ASIC2: variants seen among roughly 807,000 people sequenced by gnomAD.
ASIC2 encodes the protein acid-sensing ion channel 2.
A neutral mutation model predicts 57.3 loss-of-function variants in ASIC2; 25 were observed. That is an observed-to-expected ratio of 0.44 (90% CI 0.32 to 0.61). The LOEUF (loss-of-function observed/expected upper bound fraction) is 0.61. ASIC2 is among the 20% of genes least tolerant of loss of function. The pLI is 0.06. For missense variants in ASIC2, 641 were observed against 738.1 expected (o/e 0.87, Z 1.52); for synonymous variants, 319 against 307.5 (o/e 1.04, Z -0.39).
intron 1 of ASIC2, among the ~76,000 whole-genome samples, chr17:33,473,693 T>C (rs762582064): frequency 3.3e-5 from 5 of 152,182 alleles, no homozygotes; most frequent in Non-Finnish European, 7.4e-5. Context: ...GTTCTGGACA[T>C]GAATGAGAAA....
intron 1 of ASIC2, chr17:34,036,538 TAAAATAA>T (rs1567796288): frequency 6.7e-6 from 1 of 149,248 alleles, no homozygotes; most frequent in Non-Finnish European, 1.5e-5. Context: ...TAAAATAAAA[TAAAATAA>T]AAAATAAAAA....
At chr17:33,884,613 C>G (rs1597916110) in intron 1 of ASIC2, among the ~76,000 whole-genome samples, 1 of 151,952 alleles carries the variant, frequency 6.6e-6, no homozygotes, top group Non-Finnish European at 1.5e-5. Flanking sequence ...TCTATCCCTC[C>G]TGCTCTGCCT....
chr17:34,094,487 T>C (rs1910448287), intron 1 of ASIC2, among the ~76,000 whole-genome samples: 1 of 152,140 alleles, frequency 6.6e-6, no homozygotes, highest in Non-Finnish European at 1.5e-5. Flanking sequence ...GTGTGGTTCT[T>C]ACAACATCCA....
intron 1 of ASIC2, among the ~76,000 whole-genome samples, chr17:33,439,386 GA>G (rs1288331532): frequency 1.3e-5 from 2 of 152,280 alleles, no homozygotes; most frequent in East Asian, 3.9e-4. Flanking sequence ...GAAGAAGAAA[GA>G]AAAGACTGTA....
At chr17:33,339,125 A>G (rs964306724) in intron 1 of ASIC2, among the ~76,000 whole-genome samples, 3 of 152,208 alleles carry the variant, frequency 2.0e-5, no homozygotes, top group African/African-American at 4.8e-5. Context: ...AAGAAAAAAT[A>G]AAGCCTTTGC....
intron 1 of ASIC2, among the ~76,000 whole-genome samples, chr17:33,870,400 A>G (rs942230522): frequency 6.6e-6 from 1 of 151,952 alleles, no homozygotes; most frequent in African/African-American, 2.4e-5. Context: ...AATAAATTTA[A>G]AAACTAGAAT....
intron 1 of ASIC2, among the ~76,000 whole-genome samples, chr17:33,578,089 A>G (rs1396536935): frequency 6.6e-6 from 1 of 152,208 alleles, no homozygotes; most frequent in South Asian, 2.1e-4. Flanking sequence ...CCCGTCTCCT[A>G]AACAGCTGAC....
chr17:33,089,411 G>T (rs773198433), intron 2 of ASIC2, among the ~76,000 whole-genome samples: 11 of 152,190 alleles, frequency 7.2e-5, no homozygotes, highest in Non-Finnish European at 1.6e-4. Flanking sequence ...TTTTCCCCTA[G>T]AGCTGCCAAA....
At chr17:33,537,787 T>C (rs1315288384) in intron 1 of ASIC2, among the ~76,000 whole-genome samples, 1 of 152,148 alleles carries the variant, frequency 6.6e-6, no homozygotes, top group Non-Finnish European at 1.5e-5. Flanking sequence ...GAAAGTTTGA[T>C]AGGGTACCTG....
At chr17:33,439,763 TCTACAGAATAATA>T (rs571193197) in intron 1 of ASIC2, among the ~76,000 whole-genome samples, 4 of 152,144 alleles carry the variant, frequency 2.6e-5, no homozygotes, top group Non-Finnish European at 5.9e-5. Flanking sequence ...GGGAGGGGAT[TCTACAGAATAATA>T]AAGATGATTC....
intron 1 of ASIC2, among the ~76,000 whole-genome samples, chr17:33,147,903 G>A (rs1904627088): frequency 6.6e-6 from 1 of 152,200 alleles, no homozygotes. Flanking sequence ...TCACAGACTG[G>A]AGGACCGGGA....
At chr17:33,236,281 C>T (rs946387273) in intron 1 of ASIC2, among the ~76,000 whole-genome samples, 7 of 152,126 alleles carry the variant, frequency 4.6e-5, no homozygotes, top group Admixed American at 6.5e-5. Context: ...GGTGTCTCTT[C>T]AAAATTCATG....
chr17:33,701,626 C>G (rs1043702826), intron 1 of ASIC2, among the ~76,000 whole-genome samples: 1 of 152,192 alleles, frequency 6.6e-6, no homozygotes, highest in African/African-American at 2.4e-5. Context: ...CACCTTGACA[C>G]AGTACAGACT....
intron 1 of ASIC2, among the ~76,000 whole-genome samples, chr17:33,237,161 C>A (rs1344426389): frequency 2.0e-5 from 3 of 152,098 alleles, no homozygotes; most frequent in African/African-American, 7.2e-5. Flanking sequence ...GGGCAGGCCA[C>A]AGAGCACCAT....
At chr17:33,326,433 G>A (rs1567823886) in intron 1 of ASIC2, among the ~76,000 whole-genome samples, 1 of 152,136 alleles carries the variant, frequency 6.6e-6, no homozygotes, top group Non-Finnish European at 1.5e-5. Flanking sequence ...CTAATGACAG[G>A]CAATTTATTT....
rs545392571 is a variant in ASIC2, at chr17:33,699,682, A to C, written c.555+456296T>G. Reference sequence around the variant, plus strand: ...GTTGGGAAACCATGGTCTACACCACAGATACAGTACCCTCAACAAGGCTGT... The same window carrying C: ...GTTGGGAAACCATGGTCTACACCACCGATACAGTACCCTCAACAAGGCTGT... On this transcript the variant is annotated intron_variant, in intron 1 of 9. Transcript: ENST00000359872. Among the ~76,000 whole-genome samples the C allele has an allele frequency of 4.6e-5, 7 of 152,332 alleles. No individual in the cohort carries two copies. In the South Asian group the frequency reaches 1.4e-3, roughly 32 times the overall value.
At chr17:33,082,770 G>A (rs1222099768) in intron 3 of ASIC2, among the ~76,000 whole-genome samples, 2 of 152,106 alleles carry the variant, frequency 1.3e-5, no homozygotes, top group African/African-American at 4.8e-5. Flanking sequence ...CAAAGAGTCT[G>A]ATTGGTGATG....
chr17:34,031,229 G>T (rs989261111), intron 1 of ASIC2, among the ~76,000 whole-genome samples: 2 of 152,184 alleles, frequency 1.3e-5, no homozygotes, highest in Non-Finnish European at 2.9e-5. Flanking sequence ...TTCAGCCACC[G>T]CTGTGGATAC....
At chr17:33,016,850 G>A (rs2141891646) in intron 8 of ASIC2, among the ~76,000 whole-genome samples, 1 of 152,302 alleles carries the variant, frequency 6.6e-6, no homozygotes, top group South Asian at 2.1e-4. Flanking sequence ...CATTGGAGGT[G>A]AAGTGCATTG....
Sources: gnomAD v4.1 joint callset for allele counts (sites outside exome capture counted in the v4.1 genomes callset) on GRCh38, gnomAD v4.1.1 for gene constraint, MANE v1.5 for transcripts, NCBI Gene and HGNC (gene_info 2026-07-23, HGNC 2026-07-21) for gene names.